The following EXOC6 variants were observed in gnomAD, a reference collection of about 807,000 sequenced individuals.
The protein encoded by EXOC6 is exocyst complex component 6.
Under a neutral mutation model 112.5 loss-of-function variants are expected in EXOC6, and 60 were observed. The observed-to-expected ratio is 0.53, with a 90% confidence interval of 0.43 to 0.66. The LOEUF (loss-of-function observed/expected upper bound fraction) is 0.66. EXOC6 is among the 30% of genes least tolerant of loss of function. The pLI is 0.00. For missense variants in EXOC6, 855 were observed against 957.1 expected (o/e 0.89, Z 1.41); for synonymous variants, 295 against 308.0 (o/e 0.96, Z 0.44).
At chr10:93,010,543 A>G (rs1295350567) in intron 19 of EXOC6, among the ~76,000 whole-genome samples, 2 of 152,010 alleles carry the variant, frequency 1.3e-5, no homozygotes, top group East Asian at 3.9e-4. Context: ...TACTAAAAAT[A>G]CAAAAATTAG....
At chr10:92,888,478 A>T (rs957669154) in intron 1 of EXOC6, among the ~76,000 whole-genome samples, 2 of 152,148 alleles carry the variant, frequency 1.3e-5, no homozygotes, top group African/African-American at 2.4e-5. Context: ...TTATGTTATT[A>T]CTCTTCTTCA....
intron 20 of EXOC6, among the ~76,000 whole-genome samples, chr10:93,043,304 G>A (rs1845867939): frequency 6.6e-6 from 1 of 152,112 alleles, no homozygotes; most frequent in African/African-American, 2.4e-5. Flanking sequence ...TAAAGTCGTT[G>A]CATACTCTCT....
chr10:92,953,118 G>A (rs939642532), intron 15 of EXOC6, among the ~76,000 whole-genome samples: 1 of 152,020 alleles, frequency 6.6e-6, no homozygotes, highest in Non-Finnish European at 1.5e-5. Flanking sequence ...TCACTCTGTT[G>A]CCCAGGCTGG....
chr10:93,026,743 T>C (rs1016748375), intron 20 of EXOC6, among the ~76,000 whole-genome samples: 1 of 152,188 alleles, frequency 6.6e-6, no homozygotes, highest in Non-Finnish European at 1.5e-5. Context: ...CCATATAAGA[T>C]GATGAACTTA....
chr10:93,021,094 T>C (rs1844763236), intron 20 of EXOC6, among the ~76,000 whole-genome samples: 1 of 151,898 alleles, frequency 6.6e-6, no homozygotes, highest in Non-Finnish European at 1.5e-5. Flanking sequence ...TCCCAGACCA[T>C]TGTATGTTCT....
intron 18 of EXOC6, among the ~76,000 whole-genome samples, chr10:92,975,211 C>G (rs1225654155): frequency 6.7e-6 from 1 of 149,076 alleles, no homozygotes; most frequent in Non-Finnish European, 1.5e-5. Context: ...AGCGCCTCTG[C>G]CCCGCCACCC....
chr10:92,837,097 A>AACACAC (rs58871930), intron 1 of EXOC6, among the ~76,000 whole-genome samples: 20,576 of 139,592 alleles, frequency 0.15, 1,654 homozygotes, highest in Admixed American at 0.23. Flanking sequence ...GTTATAACAT[A>AACACAC]ACACACACAC....
chr10:93,015,466 C>T (rs972216692), intron 20 of EXOC6, among the ~76,000 whole-genome samples: 3 of 152,048 alleles, frequency 2.0e-5, no homozygotes, highest in Admixed American at 6.6e-5. Context: ...AATGAGTTGC[C>T]GGCTGGGCTG....
At chr10:92,845,417 G>T (rs1271869623), upstream of EXOC6, among the ~76,000 whole-genome samples, 1 of 151,878 alleles carries the variant, frequency 6.6e-6, no homozygotes, top group Non-Finnish European at 1.5e-5. Context: ...GCTGGATGTG[G>T]TGACATGTAC....
chr10:92,985,703 A>G (rs1207549572), intron 18 of EXOC6, among the ~76,000 whole-genome samples: 1 of 152,096 alleles, frequency 6.6e-6, no homozygotes, highest in African/African-American at 2.4e-5. Flanking sequence ...CTGACACCTC[A>G]TGTCCTCTTT....
intron 1 of EXOC6, among the ~76,000 whole-genome samples, chr10:92,884,796 A>C (rs1391468004): frequency 1.3e-5 from 2 of 152,228 alleles, no homozygotes; most frequent in African/African-American, 4.8e-5. Flanking sequence ...CATGCTTTTT[A>C]ACAAAAAATA....
upstream of EXOC6, among the ~76,000 whole-genome samples, chr10:92,831,549 T>C (rs568783211): frequency 6.2e-3 from 951 of 152,248 alleles, 10 homozygotes; most frequent in South Asian, 0.015. Context: ...TTCTCCTGCC[T>C]CAGCCTCCCG....
intron 20 of EXOC6, among the ~76,000 whole-genome samples, chr10:93,018,120 T>G (rs532834245): frequency 3.3e-5 from 5 of 151,944 alleles, no homozygotes; most frequent in South Asian, 2.1e-4. Context: ...CCCCCCTATA[T>G]GTAAAGATTA....
chr10:92,866,894 G>T (rs1848202147), intron 1 of EXOC6, among the ~76,000 whole-genome samples: 1 of 152,028 alleles, frequency 6.6e-6, no homozygotes, highest in Admixed American at 6.5e-5. Context: ...TCCTTGTTTT[G>T]GGGGAATTTT....
chr10:92,850,574 A>T (rs1867585644), intron 1 of EXOC6, among the ~76,000 whole-genome samples: 1 of 152,152 alleles, frequency 6.6e-6, no homozygotes, highest in Non-Finnish European at 1.5e-5. Context: ...ACCATTTATT[A>T]TGGAAAAATT....
At chr10:92,955,486 A>G in intron 16 of EXOC6, 94 bp from the exon 17 acceptor site, 1 of 989,050 alleles carries the variant, frequency 1.0e-6, no homozygotes, top group South Asian at 1.4e-5. Context: ...TAGAAATGGT[A>G]CAGTTGCTGG....
intron 1 of EXOC6, among the ~76,000 whole-genome samples, chr10:92,881,644 T>C (rs566142679): frequency 1.2e-3 from 183 of 152,328 alleles, no homozygotes; most frequent in African/African-American, 4.3e-3. Flanking sequence ...AGCTGTTGTG[T>C]TTCTGATTTG....
At chr10:92,865,775 T>C (rs1250620338) in intron 1 of EXOC6, among the ~76,000 whole-genome samples, 1 of 152,130 alleles carries the variant, frequency 6.6e-6, no homozygotes, top group Non-Finnish European at 1.5e-5. Context: ...TACTGTTGAC[T>C]GGAAGCCTTA....
intron 6 of EXOC6, among the ~76,000 whole-genome samples, chr10:92,911,735 G>T (rs1850773853): frequency 6.6e-6 from 1 of 151,948 alleles, no homozygotes; most frequent in Non-Finnish European, 1.5e-5. Flanking sequence ...CTCTCTGTGG[G>T]GATGTTTTTC....
Sources: gnomAD v4.1 joint callset for allele counts (sites outside exome capture counted in the v4.1 genomes callset) on GRCh38, gnomAD v4.1.1 for gene constraint, MANE v1.5 for transcripts, NCBI Gene and HGNC (gene_info 2026-07-23, HGNC 2026-07-21) for gene names.